The following TARBP1 variants were observed in gnomAD, a reference collection of about 807,000 sequenced individuals.
TARBP1 encodes the protein tRNA guanosine 2 -O-methyltransferase TARBP1.
Under a neutral mutation model 178.6 loss-of-function variants are expected in TARBP1, and 144 were observed. That is an observed-to-expected ratio of 0.81 (90% CI 0.70 to 0.93). The LOEUF is 0.93. Among genes scored for constraint, TARBP1 ranks in the 40% least tolerant of loss-of-function variants. The pLI is 0.00. For missense variants in TARBP1, 2,067 were observed against 2,011.7 expected (o/e 1.03, Z -0.53); for synonymous variants, 787 against 781.0 (o/e 1.01, Z -0.13).
rs576993897 is a variant in TARBP1 at position 234,429,982 on chromosome 1, A to T, written c.2609+105T>A. 248 of 1,145,238 alleles carry T rather than the reference A, an allele frequency of 2.2e-4. 5 individuals are homozygous for T. The South Asian group carries it at 3.5e-3, about 16-fold the overall frequency. The allele number at this position is 1,145,238 out of a possible 1,614,324, so 70.9% of individuals were successfully genotyped here. A position where few individuals can be genotyped will look rare whatever the true frequency, so the allele number is the denominator to read the frequency against. On this transcript the variant is annotated intron_variant, in intron 15 of 29. Transcript: ENST00000040877. ...TATACCACACTTTCATCCTGAATGG[A>T]GCTTCAGCCCCAAAATTCTATAACT...
intron 13 of TARBP1, among the ~76,000 whole-genome samples, chr1:234,434,380 T>C (rs1430398065): frequency 2.6e-5 from 4 of 152,228 alleles, no homozygotes; most frequent in African/African-American, 9.6e-5. Context: ...AATCAGTTTT[T>C]ACTGAGCAAC....
chr1:234,474,300 T>TA (rs112842058), intron 1 of TARBP1, among the ~76,000 whole-genome samples: 84 of 127,836 alleles, frequency 6.6e-4, no homozygotes, highest in African/African-American at 1.6e-3. Flanking sequence ...AGGGGACATT[T>TA]AAAAAAAAAA....
At position 234,427,734 on chromosome 1, in the gene TARBP1, T is replaced by C. The variant is rs1663944731; in HGVS notation, c.3093A>G (p.Ile1031Met). 1 of 1,462,998 alleles carries C rather than the reference T, an allele frequency of 6.8e-7. No individual in the cohort carries two copies. Among genetic ancestry groups the C allele is most frequent in the Non-Finnish European group, 9.0e-7 (1 of 1,109,192 alleles). The allele number at this position is 1,462,998 out of a possible 1,614,324, so 90.6% of individuals were successfully genotyped here. The change falls in exon 18 of 30, where the codon ATA (isoleucine) becomes ATG (methionine). Residue 1031 changes from isoleucine (I) to methionine (M), a missense_variant. Ile to Met is a conservative substitution (Grantham distance 10). Transcript: ENST00000040877. ...IMYKIIEMSAIKTGVFNTLIS... is the reference protein window; with the variant it reads ...IMYKIIEMSAMKTGVFNTLIS... ...TCAGTGTATTGAAGACTCCAGTCTT[T>C]ATAGCAGACATTTCAATTATCTTGT...
intron 18 of TARBP1, 37 bp from the exon 19 acceptor site, chr1:234,427,425 T>A: frequency 6.5e-7 from 1 of 1,544,860 alleles, no homozygotes; most frequent in African/African-American, 1.4e-5. Flanking sequence ...AACAACAGGT[T>A]TTAAATAGAA....
chr1:234,391,718 A>T lies in TARBP1; in HGVS notation c.4725T>A (p.Asn1575Lys), dbSNP rs1311997033. ...CACAAACGTCCAACTGTTGGATCAGATTTGCTGGAATTCCCTCACGTTCAT... is the reference window on the plus strand; with the variant it reads ...CACAAACGTCCAACTGTTGGATCAGTTTTGCTGGAATTCCCTCACGTTCAT... ...LGNEREGIPA[N>K]LIQQLDVCVE... is the part of the protein sequence containing the mutation. The change falls in exon 30 of 30, where the codon AAT becomes AAA. Residue 1575 changes from asparagine (N) to lysine (K), a missense_variant. Transcript: ENST00000040877. 2.5e-6 allele frequency: 4 copies of T among 1,613,246 alleles called. No individual in the cohort carries two copies. The African/African-American group carries it at 5.3e-5, about 22-fold the overall frequency.
chr1:234,405,992 C>T lies in TARBP1; in HGVS notation c.3900G>A (p.Val1300=). The change falls in exon 24 of 30, where the codon GTG becomes GTA. Residue 1300 remains valine (V), a synonymous_variant. Transcript: ENST00000040877. ...ATTCTTCAACACTTAACACTTTACA[C>T]ACAGTCCAGAGTTTCTTAAGAGCAA... is the stretch of plus-strand genomic sequence containing the variant. ...ALVALKKLWT[V]CKVLSVEEFD... 2.5e-6 allele frequency: 4 copies of T among 1,614,190 alleles called. No individual in the cohort carries two copies. The highest frequency in any genetic ancestry group is 3.4e-6 in the Non-Finnish European group (4 of 1,180,016).
intron 17 of TARBP1, 126 bp downstream of exon 17, chr1:234,429,010 C>T (rs1664098252): frequency 1.9e-5 from 16 of 835,716 alleles, no homozygotes; most frequent in Non-Finnish European, 2.4e-5. Flanking sequence ...TAAGAAGGTT[C>T]AAAAATATTT....
chr1:234,424,294 T>A (rs1320521870), intron 20 of TARBP1, among the ~76,000 whole-genome samples: 1 of 152,222 alleles, frequency 6.6e-6, no homozygotes, highest in Admixed American at 6.5e-5. Context: ...CAGAGCACCA[T>A]GCTCAACTCT....
intron 22 of TARBP1, among the ~76,000 whole-genome samples, chr1:234,413,789 A>C (rs1348903127): frequency 6.6e-6 from 1 of 152,206 alleles, no homozygotes; most frequent in Non-Finnish European, 1.5e-5. Context: ...CAGCCCAGTG[A>C]GGGAACCACT....
At chr1:234,462,237 G>C (rs190390080) in intron 6 of TARBP1, among the ~76,000 whole-genome samples, 32 of 152,182 alleles carry the variant, frequency 2.1e-4, no homozygotes, top group African/African-American at 7.7e-4. Context: ...CCTGGTCCTG[G>C]ATCACAAACA....
chr1:234,407,663 T>C (rs1661401931), intron 23 of TARBP1: 1 of 152,182 alleles, frequency 6.6e-6, no homozygotes. Flanking sequence ...CATTTATTTA[T>C]ATCGGTGTGG....
At position 234,468,378 on chromosome 1, in the gene TARBP1, T is replaced by C. The variant is rs1374455591; in HGVS notation, c.1100-728A>G. Among the ~76,000 whole-genome samples, 3 of 152,024 alleles carry C rather than the reference T, an allele frequency of 2.0e-5. 1 individual carries two copies. Among genetic ancestry groups the C allele is most frequent in the South Asian group, 4.1e-4 (2 of 4,820 alleles). The stretch of plus-strand genomic sequence containing the variant: ...GAGGGACTGAGACACGAGAATCGCT[T>C]GAACCCTTGAACTTGGGAGGCGGAG... On this transcript the variant is annotated intron_variant, in intron 3 of 29. Transcript: ENST00000040877.
rs202038691 is a variant in TARBP1 at position 234,478,249 on chromosome 1, G to C, written c.855C>G (p.Arg285=). Residue 285 remains arginine, a synonymous_variant, in exon 1 of 30, where the codon CGC becomes CGG. Transcript: ENST00000040877. ...QADALTRKRA[R]YLLQRAVEVS... The stretch of plus-strand genomic sequence containing the variant: ...CCTCCACCGCCCTCTGCAGCAGGTA[G>C]CGCGCTCGCTTGCGCGTCAGGGCGT... 1 of 1,609,366 alleles carries C rather than the reference G, an allele frequency of 6.2e-7. No homozygotes were observed. Among genetic ancestry groups the C allele is most frequent in the Non-Finnish European group, 8.5e-7 (1 of 1,178,816 alleles).
In TARBP1 at chr1:234,463,871, G is replaced by A. The variant is rs1418611460; in HGVS notation, c.1365C>T (p.Val455=). 1 of 1,595,754 alleles carries A rather than the reference G, an allele frequency of 6.3e-7. No individual in the cohort carries two copies. Among genetic ancestry groups the A allele is most frequent in the Non-Finnish European group, 8.5e-7 (1 of 1,170,862 alleles). Residue 455 remains valine (V), a synonymous_variant, in exon 6 of 30, where the codon GTC becomes GTT. Transcript: ENST00000040877. ...CTTCTGGAAGAAGAGAAATATAAGT[G>A]ACTAAAAACTTCTGTAATTTCAGTC... ...PLGLKLQKFL[V]TYISLLPEEI... is the part of the protein sequence containing the mutation.
intron 4 of TARBP1, among the ~76,000 whole-genome samples, chr1:234,467,043 T>C (rs919281827): frequency 1.3e-5 from 2 of 152,144 alleles, no homozygotes; most frequent in Non-Finnish European, 2.9e-5. Flanking sequence ...TCCTGACAAA[T>C]GGAAGTACAG....
chr1:234,411,787 T>G (rs1661850388), intron 22 of TARBP1, among the ~76,000 whole-genome samples: 1 of 152,178 alleles, frequency 6.6e-6, no homozygotes, highest in Non-Finnish European at 1.5e-5. Flanking sequence ...TATTATTTCA[T>G]AATCATAGTG....
At chr1:234,470,491 A>T (rs961816301) in intron 3 of TARBP1, among the ~76,000 whole-genome samples, 1 of 152,168 alleles carries the variant, frequency 6.6e-6, no homozygotes, top group African/African-American at 2.4e-5. Flanking sequence ...GTTATTAAAG[A>T]GGGTGGTAGG....
Position 234,416,875 on chromosome 1 carries a change from G to A in TARBP1, c.3705+1209C>T, listed in dbSNP as rs193249389. 1.2e-3 allele frequency among the ~76,000 whole-genome samples: 183 copies of A among 152,286 alleles called. 1 individual carries two copies. The Middle Eastern group carries it at 0.02, about 17-fold the overall frequency. On this transcript the variant is annotated intron_variant, in intron 22 of 29. Coordinates refer to ENST00000040877, the MANE Select transcript of TARBP1 (RefSeq NM_005646.4). ...GCAGGTGGCTGGAGAAGCAGGGACC[G>A]GCCGAGATGGGCTTTACTATGCTAA...
At chr1:234,423,586 A>T (rs538880207) in intron 20 of TARBP1, among the ~76,000 whole-genome samples, 9 of 152,246 alleles carry the variant, frequency 5.9e-5, no homozygotes, top group African/African-American at 2.2e-4. Context: ...AGACAGCTGA[A>T]TCCAACAGCC....
Sources: gnomAD v4.1 joint callset for allele counts (sites outside exome capture counted in the v4.1 genomes callset) on GRCh38, gnomAD v4.1.1 for gene constraint, MANE v1.5 for transcripts, NCBI Gene and HGNC (gene_info 2026-07-23, HGNC 2026-07-21) for gene names.